The following SLC4A8 variants were observed in gnomAD, a reference collection of about 807,000 sequenced individuals.
The protein encoded by SLC4A8 is solute carrier family 4 member 8.
SLC4A8 carries 40 observed loss-of-function variants against 125.0 expected under a neutral mutation model. That is an observed-to-expected ratio of 0.32 (90% CI 0.25 to 0.42). The LOEUF is 0.42. SLC4A8 is among the 10% of genes least tolerant of loss of function. SLC4A8 has a pLI of 1.00. For missense variants in SLC4A8, 863 were observed against 1,355.1 expected (o/e 0.64, Z 5.70); for synonymous variants, 456 against 476.0 (o/e 0.96, Z 0.55).
chr12:51,447,037 CCTGT>C (rs143192962), intron 2 of SLC4A8, among the ~76,000 whole-genome samples: 1,907 of 149,222 alleles, frequency 0.013, 27 homozygotes, highest in South Asian at 0.039. Context: ...TGCCTGCCTG[CCTGT>C]CTGTCTGTCT....
At chr12:51,495,856 C>T (rs112522770) in intron 21 of SLC4A8, among the ~76,000 whole-genome samples, 1,804 of 152,248 alleles carry the variant, frequency 0.012, 34 homozygotes, top group African/African-American at 0.041. Flanking sequence ...GAATTTCCTT[C>T]CTTTTTAAGA....
chr12:51,433,884 G>GTTTTTT (rs1565772495), intron 1 of SLC4A8, among the ~76,000 whole-genome samples: 18 of 72,202 alleles, frequency 2.5e-4, no homozygotes, highest in Admixed American at 4.1e-4. Flanking sequence ...TTTTTGGTTG[G>GTTTTTT]TTTTTTTTTG....
rs535895735 is a variant in SLC4A8 at position 51,428,295 on chromosome 12, A to G, written c.48+3260A>G. Among the ~76,000 whole-genome samples the G allele has an allele frequency of 2.0e-5, 3 of 152,220 alleles. No homozygotes were observed. In the East Asian group the frequency reaches 5.8e-4, roughly 29 times the overall value. On this transcript the variant is annotated intron_variant, in intron 1 of 24. Transcript: ENST00000453097. ...TTCTTTTGGTTTCTTGTTTATTATC[A>G]TCTCAGTTAGAAGCTTCTTGAGGGC... is the stretch of plus-strand genomic sequence containing the variant.
chr12:51,491,993 T>A (rs992110847), intron 19 of SLC4A8, among the ~76,000 whole-genome samples: 2 of 152,106 alleles, frequency 1.3e-5, no homozygotes, highest in African/African-American at 4.8e-5. Flanking sequence ...GATAAGGAAG[T>A]AAGGACTGCA....
At chr12:51,445,224 G>T (rs1949735464) in intron 2 of SLC4A8, among the ~76,000 whole-genome samples, 1 of 152,162 alleles carries the variant, frequency 6.6e-6, no homozygotes, top group South Asian at 2.1e-4. Context: ...CAGACTGAGT[G>T]CAGTAGTGCG....
At chr12:51,448,517 A>C (rs1393634057) in intron 2 of SLC4A8, among the ~76,000 whole-genome samples, 1 of 152,210 alleles carries the variant, frequency 6.6e-6, no homozygotes, top group Non-Finnish European at 1.5e-5. Context: ...AAGAGTGTTT[A>C]GCACTAAAAA....
chr12:51,452,268 C>A lies in SLC4A8; in HGVS notation c.413+9C>A. 6.2e-7 allele frequency: 1 copy of A among 1,614,134 alleles called. No homozygotes were observed. Among genetic ancestry groups the A allele is most frequent in the Non-Finnish European group, 8.5e-7 (1 of 1,180,008 alleles). ...TGGAAGGAAACAGCCAGGTGAGGCC[C>A]TAAAATGGCCTGCATCAAGATCTGC... On this transcript the variant is annotated intron_variant, in intron 4 of 24. Transcript: ENST00000453097.
chr12:51,472,434 A>C (rs1049100225), intron 14 of SLC4A8, among the ~76,000 whole-genome samples: 3 of 152,222 alleles, frequency 2.0e-5, no homozygotes, highest in Non-Finnish European at 4.4e-5. Flanking sequence ...ATTAATAAAA[A>C]ATTTATTAGA....
At chr12:51,422,914 A>T (rs1398671514), upstream of SLC4A8, among the ~76,000 whole-genome samples, 1 of 152,170 alleles carries the variant, frequency 6.6e-6, no homozygotes, top group East Asian at 1.9e-4. Context: ...TGCAATCTTC[A>T]TGGTTTATAT....
At chr12:51,425,063 C>G (rs757594740) in intron 1 of SLC4A8, 28 bp downstream of exon 1, 1 of 1,544,650 alleles carries the variant, frequency 6.5e-7, no homozygotes, top group Non-Finnish European at 8.7e-7. Flanking sequence ...GCGCCTCCCG[C>G]TCCTCCCCGG....
At chr12:51,462,122 C>T in intron 9 of SLC4A8, 188 bp from the exon 10 acceptor site, 5 of 593,760 alleles carry the variant, frequency 8.4e-6, no homozygotes, top group South Asian at 8.1e-5. Context: ...TAATGCATCT[C>T]ATTTCCACGC....
chr12:51,453,567 G>C lies in SLC4A8; in HGVS notation c.442G>C (p.Asp148His). The change falls in exon 5 of 25, where the codon GAT becomes CAT. Residue 148 changes from aspartate to histidine, a missense_variant. Asp to His is a moderately conservative substitution (Grantham distance 81). Coordinates refer to ENST00000453097, the MANE Select transcript of SLC4A8 (RefSeq NM_001039960.3). ...RWLKFEEDVE[D>H]GGERWSKPYV... is the part of the protein sequence containing the mutation. ...GCTGAAGTTTGAAGAAGATGTTGAA[G>C]ATGGGGGAGAACGCTGGAGCAAGCC... 1 of 1,614,186 alleles carries C rather than the reference G, an allele frequency of 6.2e-7. No homozygotes were observed. Among genetic ancestry groups the C allele is most frequent in the South Asian group, 1.1e-5 (1 of 91,078 alleles).
At chr12:51,440,830 G>T in intron 2 of SLC4A8, 41 bp downstream of exon 2, 1 of 1,526,910 alleles carries the variant, frequency 6.5e-7, no homozygotes, top group South Asian at 1.2e-5. Flanking sequence ...AATTGGTGAG[G>T]GGCAGCCTGG....
rs1460799699 is a variant in SLC4A8, at chr12:51,502,052, T to C, written c.3082-1977T>C. 3 of 152,162 alleles carry C rather than the reference T, an allele frequency of 2.0e-5. No individual in the cohort carries two copies. The East Asian group carries it at 5.8e-4, about 29-fold the overall frequency. 9.4% of individuals were successfully genotyped at this position (152,162 alleles called of 1,614,324 possible). ...ACCAAGAACACAATCCTGACTACAG[T>C]AGCCATAAAGAAAATGAAATACCTG... On this transcript the variant is annotated intron_variant, in intron 22 of 24. Coordinates refer to ENST00000453097, the MANE Select transcript of SLC4A8 (RefSeq NM_001039960.3).
intron 1 of SLC4A8, among the ~76,000 whole-genome samples, chr12:51,399,660 T>A (rs1400319577): frequency 6.6e-6 from 1 of 152,192 alleles, no homozygotes; most frequent in African/African-American, 2.4e-5. Context: ...ATCCTGACTC[T>A]TCCAGCTGTC....
At chr12:51,461,363 A>G in intron 9 of SLC4A8, 72 bp downstream of exon 9, 3 of 891,108 alleles carry the variant, frequency 3.4e-6, no homozygotes, top group Middle Eastern at 2.2e-4. Flanking sequence ...GCCAGGCAAT[A>G]TGCTAGTTAT....
rs1245662800 is a variant in SLC4A8, at chr12:51,504,012, GT to G, written c.3082-14del. ...CTTACTTGGTCCAAGATATAATAAT[GT>G]TTCTTTTTCTTCCAGGAGGCTGAGA... On this transcript the variant is annotated splice_polypyrimidine_tract_variant and intron_variant, in intron 22 of 24. Transcript: ENST00000453097. 1 of 1,470,266 alleles carries G rather than the reference GT, an allele frequency of 6.8e-7. No individual in the cohort carries two copies. The highest frequency in any genetic ancestry group is 2.4e-5 in the East Asian group (1 of 41,894). The allele number at this position is 1,470,266 out of a possible 1,614,324, so 91.1% of individuals were successfully genotyped here.
chr12:51,420,196 TG>T (rs1290845758), upstream of SLC4A8: 12 of 152,098 alleles, frequency 7.9e-5, no homozygotes, highest in Admixed American at 7.9e-4. Flanking sequence ...AACCACATCT[TG>T]GGTTTAGATG....
At chr12:51,496,484 GC>G (rs1301029202) in intron 21 of SLC4A8, among the ~76,000 whole-genome samples, 1 of 152,190 alleles carries the variant, frequency 6.6e-6, no homozygotes, top group Non-Finnish European at 1.5e-5. Context: ...GTCAGGCCAG[GC>G]CAGAGGGCAA....
Sources: allele counts gnomAD v4.1 joint callset (sites outside exome capture counted in the v4.1 genomes callset), GRCh38; gene constraint gnomAD v4.1.1; transcripts MANE v1.5; gene names NCBI Gene and HGNC (gene_info 2026-07-23, HGNC 2026-07-21).